The following CACNA2D1 variants were observed in gnomAD, a reference collection of about 807,000 sequenced individuals.
CACNA2D1 encodes calcium voltage-gated channel auxiliary subunit alpha2delta 1.
Under a neutral mutation model 171.5 loss-of-function variants are expected in CACNA2D1, and 53 were observed. The ratio of observed to expected loss-of-function variants is 0.31; its 90% CI spans 0.25 to 0.39. The LOEUF (loss-of-function observed/expected upper bound fraction) is 0.39, where lower values mean the gene tolerates loss of function less well. Among genes scored for constraint, CACNA2D1 ranks in the 10% least tolerant of loss-of-function variants. CACNA2D1 has a pLI of 1.00. For synonymous variants in CACNA2D1, 442 were observed against 443.1 expected (o/e 1.00, Z 0.03); for missense variants, 903 against 1,299.8 (o/e 0.69, Z 4.69).
At chr7:82,238,779 T>C (rs1803908083) in intron 3 of CACNA2D1, among the ~76,000 whole-genome samples, 1 of 152,138 alleles carries the variant, frequency 6.6e-6, no homozygotes, top group Non-Finnish European at 1.5e-5. Context: ...CACTCTTAAA[T>C]GTTTATTGAA....
At chr7:82,373,051 G>GCA in intron 1 of CACNA2D1, among the ~76,000 whole-genome samples, 1 of 152,214 alleles carries the variant, frequency 6.6e-6, no homozygotes, top group East Asian at 1.9e-4. Flanking sequence ...GGGCATGGTG[G>GCA]CACACGCCTG....
chr7:81,971,540 T>C (rs1327893511), intron 26 of CACNA2D1, among the ~76,000 whole-genome samples: 1 of 151,676 alleles, frequency 6.6e-6, no homozygotes, highest in African/African-American at 2.4e-5. Context: ...CCCATTTAAT[T>C]TGGTGTATTC....
rs1174278503 is a variant in CACNA2D1, at chr7:82,137,707, T to TAAAAAAAAAA, written c.355-1041_355-1032dup. Reference sequence around the variant, plus strand: ...TAATACAGTGAAACTCCGTCTCTACTAAAAAAAAAAAAAAAAAAAAAAATT... The same window carrying TAAAAAAAAAA: ...TAATACAGTGAAACTCCGTCTCTACTAAAAAAAAAAAAAAAAAAAAAAAAAAAAAAAAATT... On this transcript the variant is annotated intron_variant, in intron 4 of 38. Transcript: ENST00000356860. 2.9e-3 allele frequency among the ~76,000 whole-genome samples: 232 copies of TAAAAAAAAAA among 78,784 alleles called. 10 individuals are homozygous for TAAAAAAAAAA. The highest frequency in any genetic ancestry group is 4.5e-3 in the South Asian group (9 of 2,004). The allele number at this position is 78,784 out of a possible 152,430, so 51.7% of individuals were successfully genotyped here. A position where few individuals can be genotyped will look rare whatever the true frequency, so the allele number is the denominator to read the frequency against.
rs12707485 is a variant in CACNA2D1 at position 82,339,219 on chromosome 7, G to A, written c.178-3968C>T. Among the ~76,000 whole-genome samples, 446 of 152,328 alleles carry A rather than the reference G, an allele frequency of 2.9e-3. 2 individuals carry two copies. Among genetic ancestry groups the A allele is most frequent in the Non-Finnish European group, 5.2e-3 (353 of 68,036 alleles). On this transcript the variant is annotated intron_variant, in intron 2 of 38. Transcript: ENST00000356860. The stretch of plus-strand genomic sequence containing the variant: ...AAAGAGGCTAACCTTCAAGTGATGA[G>A]ATTAATTTTTCCCTCTCCTAGGAAA...
intron 3 of CACNA2D1, among the ~76,000 whole-genome samples, chr7:82,316,682 A>G (rs2129435883): frequency 6.6e-6 from 1 of 152,326 alleles, no homozygotes; most frequent in South Asian, 2.1e-4. Context: ...GGTAATTTAT[A>G]AAGAAAAGAG....
intron 7 of CACNA2D1, among the ~76,000 whole-genome samples, chr7:82,076,233 T>C (rs1471490335): frequency 6.6e-6 from 1 of 152,142 alleles, no homozygotes; most frequent in African/African-American, 2.4e-5. Flanking sequence ...TAAAACAGTA[T>C]GTCATCCTTT....
intron 1 of CACNA2D1, among the ~76,000 whole-genome samples, chr7:82,356,902 A>G (rs949496870): frequency 3.3e-5 from 5 of 152,124 alleles, no homozygotes; most frequent in Non-Finnish European, 7.4e-5. Context: ...AAGTCTTATA[A>G]TCCTTCTCTG....
intron 3 of CACNA2D1, among the ~76,000 whole-genome samples, chr7:82,192,749 CTT>C (rs201695555): frequency 9.2e-5 from 13 of 140,618 alleles, no homozygotes; most frequent in East Asian, 4.2e-4. Flanking sequence ...GCAGCTGTTC[CTT>C]TTTTTTTTTT....
chr7:82,410,200 A>AACTAG (rs1240079996), intron 1 of CACNA2D1, among the ~76,000 whole-genome samples: 1 of 152,216 alleles, frequency 6.6e-6, no homozygotes, highest in Non-Finnish European at 1.5e-5. Flanking sequence ...TTTCTTCAGA[A>AACTAG]ACATAAACAC....
At chr7:81,963,826 GTT>G (rs1794420231) in intron 34 of CACNA2D1, among the ~76,000 whole-genome samples, 1 of 151,930 alleles carries the variant, frequency 6.6e-6, no homozygotes, top group African/African-American at 2.4e-5. Context: ...AGAGGCTGAA[GTT>G]TACATCCGCA....
intron 1 of CACNA2D1, among the ~76,000 whole-genome samples, chr7:82,372,895 C>T (rs568803814): frequency 5.3e-5 from 8 of 152,032 alleles, no homozygotes; most frequent in Non-Finnish European, 8.8e-5. Flanking sequence ...TGAATAAACA[C>T]AATATCAGGC....
At chr7:82,095,958 A>G (rs1450291551) in intron 6 of CACNA2D1, among the ~76,000 whole-genome samples, 2 of 152,142 alleles carry the variant, frequency 1.3e-5, no homozygotes, top group African/African-American at 4.8e-5. Context: ...TACTGGCCCA[A>G]TTTTTAGATA....
At chr7:82,177,007 G>T (rs1796601285) in intron 3 of CACNA2D1, among the ~76,000 whole-genome samples, 1 of 142,466 alleles carries the variant, frequency 7.0e-6, no homozygotes, top group Non-Finnish European at 1.5e-5. Flanking sequence ...TATCTCAAAG[G>T]ACAGGAAGGA....
intron 1 of CACNA2D1, among the ~76,000 whole-genome samples, chr7:82,403,797 G>C (rs1481007940): frequency 6.6e-6 from 1 of 152,118 alleles, no homozygotes; most frequent in East Asian, 1.9e-4. Flanking sequence ...CTCCTTCCAA[G>C]GCTGACAGTG....
At chr7:82,023,271 G>A (rs1289376454) in intron 12 of CACNA2D1, among the ~76,000 whole-genome samples, 1 of 151,940 alleles carries the variant, frequency 6.6e-6, no homozygotes, top group African/African-American at 2.4e-5. Context: ...GAACAGCTGT[G>A]TGAGGAGATT....
In CACNA2D1 at chr7:81,962,504, TTCAAATAAAAAAAA is replaced by T; in HGVS notation, c.2781-23_2781-10del. 1 of 1,566,716 alleles carries T rather than the reference TTCAAATAAAAAAAA, an allele frequency of 6.4e-7. No homozygotes were observed. The highest frequency in any genetic ancestry group is 8.7e-7 in the Non-Finnish European group (1 of 1,149,118). ...ACTGCTGTAGAATAGACCTGAATTT[TTCAAATAAAAAAAA>T]AATAAACATCTAGGGAAAAAATGTG... On this transcript the variant is annotated splice_polypyrimidine_tract_variant and intron_variant, in intron 34 of 38. Coordinates refer to ENST00000356860, the MANE Select transcript of CACNA2D1 (RefSeq NM_000722.4).
At chr7:82,040,931 C>A (rs377120602) in intron 10 of CACNA2D1, among the ~76,000 whole-genome samples, 1 of 151,976 alleles carries the variant, frequency 6.6e-6, no homozygotes, top group African/African-American at 2.4e-5. Flanking sequence ...GCCAAGATCA[C>A]GCCATTGCAC....
intron 1 of CACNA2D1, among the ~76,000 whole-genome samples, chr7:82,360,972 A>C (rs907655351): frequency 6.6e-6 from 1 of 152,168 alleles, no homozygotes; most frequent in Non-Finnish European, 1.5e-5. Flanking sequence ...CAACTTTTTT[A>C]TTTTTTTAAC....
At chr7:82,124,854 A>G (rs1292532754) in intron 5 of CACNA2D1, among the ~76,000 whole-genome samples, 10 of 152,178 alleles carry the variant, frequency 6.6e-5, no homozygotes, top group Admixed American at 6.6e-4. Flanking sequence ...TGATACCTAA[A>G]AGTGTAAAAT....
Sources: allele counts gnomAD v4.1 joint callset (sites outside exome capture counted in the v4.1 genomes callset), GRCh38; gene constraint gnomAD v4.1.1; transcripts MANE v1.5; gene names NCBI Gene and HGNC (gene_info 2026-07-23, HGNC 2026-07-21).